The following NAALADL2 variants were observed in gnomAD, a reference collection of about 807,000 sequenced individuals.
The protein encoded by NAALADL2 is N-acetylated alpha-linked acidic dipeptidase like 2.
A neutral mutation model predicts 87.2 loss-of-function variants in NAALADL2; 76 were observed. That is an observed-to-expected ratio of 0.87 (90% confidence interval 0.72 to 1.05). The LOEUF (loss-of-function observed/expected upper bound fraction) is 1.05, where lower values mean the gene tolerates loss of function less well. Ranked by LOEUF, NAALADL2 falls within the 50% of genes least tolerant of loss-of-function variation. The probability of loss-of-function intolerance (pLI) is 0.00; values close to 1 mark genes in which losing one functional copy is unlikely to be tolerated. For missense variants in NAALADL2, 1,089 were observed against 945.8 expected (o/e 1.15, Z -1.99); for synonymous variants, 354 against 331.0 (o/e 1.07, Z -0.75).
At chr3:175,012,654 A>C (rs962785420) in intron 1 of NAALADL2, among the ~76,000 whole-genome samples, 3 of 152,098 alleles carry the variant, frequency 2.0e-5, no homozygotes, top group Non-Finnish European at 2.9e-5. Flanking sequence ...CTGTTTTTGT[A>C]AGTAAAGTGC....
chr3:175,177,963 T>C (rs1735934335), intron 2 of NAALADL2, among the ~76,000 whole-genome samples: 1 of 151,040 alleles, frequency 6.6e-6, no homozygotes, highest in Non-Finnish European at 1.5e-5. Flanking sequence ...GAAAACTATA[T>C]TGAAATATAT....
chr3:175,794,141 C>T (rs576508452), intron 13 of NAALADL2, among the ~76,000 whole-genome samples: 13 of 152,092 alleles, frequency 8.5e-5, no homozygotes, highest in African/African-American at 1.2e-4. Context: ...GCAGATGAAA[C>T]GAAATGCATC....
intron 11 of NAALADL2, among the ~76,000 whole-genome samples, chr3:175,651,034 A>G (rs868338067): frequency 6.6e-6 from 1 of 152,198 alleles, no homozygotes; most frequent in Non-Finnish European, 1.5e-5. Flanking sequence ...AAATATTAGT[A>G]TAACTTGTTA....
chr3:175,057,657 T>G (rs184599254), intron 1 of NAALADL2, among the ~76,000 whole-genome samples: 31 of 152,292 alleles, frequency 2.0e-4, no homozygotes, highest in African/African-American at 7.0e-4. Context: ...AGTGAGAGCC[T>G]TAGGTGGCTG....
intron 9 of NAALADL2, among the ~76,000 whole-genome samples, chr3:175,556,367 G>A (rs937099654): frequency 6.6e-6 from 1 of 152,046 alleles, no homozygotes; most frequent in Non-Finnish European, 1.5e-5. Context: ...TCATCTGTCA[G>A]ATGACTATAA....
chr3:174,838,674 A>G (rs1374425847), intron 3 of NAALADL2, among the ~76,000 whole-genome samples: 3 of 152,238 alleles, frequency 2.0e-5, no homozygotes, highest in Non-Finnish European at 4.4e-5. Flanking sequence ...ATGTTCATAA[A>G]TCAGTAACTC....
intron 1 of NAALADL2, among the ~76,000 whole-genome samples, chr3:174,985,494 G>A (rs1560443045): frequency 1.3e-5 from 2 of 152,128 alleles, no homozygotes. Flanking sequence ...TGGAATCTTG[G>A]AAACAAAATG....
At chr3:175,123,342 A>G (rs1661655867) in intron 2 of NAALADL2, among the ~76,000 whole-genome samples, 2 of 151,896 alleles carry the variant, frequency 1.3e-5, no homozygotes, top group Admixed American at 1.3e-4. Context: ...GTACTAATAG[A>G]TGGTAGGGCA....
chr3:175,626,281 T>G (rs1726968852), intron 10 of NAALADL2, among the ~76,000 whole-genome samples: 1 of 151,998 alleles, frequency 6.6e-6, no homozygotes, highest in Non-Finnish European at 1.5e-5. Flanking sequence ...CTCATATTTT[T>G]TGTATTTTTA....
At chr3:175,671,361 G>A (rs1434192433) in intron 11 of NAALADL2, among the ~76,000 whole-genome samples, 2 of 151,990 alleles carry the variant, frequency 1.3e-5, no homozygotes, top group East Asian at 3.9e-4. Context: ...TGCAGCAATG[G>A]CATGTATTTT....
chr3:175,573,181 G>T lies in NAALADL2; in HGVS notation c.1654-2860G>T, dbSNP rs1718344737. ...TGAGAAAAAAATTTCGATCTAAGGA[G>T]CATGGCTGAGCATGGGTGGATGTTA... On this transcript the variant is annotated intron_variant, in intron 9 of 13. Transcript: ENST00000454872. Among the ~76,000 whole-genome samples the T allele has an allele frequency of 2.6e-5, 4 of 152,206 alleles. No homozygotes were observed. In the South Asian group the frequency reaches 8.3e-4, roughly 31 times the overall value.
intron 5 of NAALADL2, among the ~76,000 whole-genome samples, chr3:175,355,393 T>C (rs772130310): frequency 2.6e-5 from 4 of 152,062 alleles, no homozygotes; most frequent in Non-Finnish European, 5.9e-5. Context: ...ATTTTGACTA[T>C]GAAATGAGAT....
intron 1 of NAALADL2, among the ~76,000 whole-genome samples, chr3:175,032,164 A>G (rs1752870525): frequency 1.3e-5 from 2 of 151,716 alleles, no homozygotes; most frequent in Non-Finnish European, 2.9e-5. Context: ...TTGCTTTTGT[A>G]TAGTTAGTTA....
At chr3:175,018,261 T>TTTA (rs1437557687) in intron 1 of NAALADL2, among the ~76,000 whole-genome samples, 8 of 152,020 alleles carry the variant, frequency 5.3e-5, no homozygotes, top group Non-Finnish European at 1.2e-4. Context: ...TGGTCATATC[T>TTTA]TTTATAAAGT....
intron 1 of NAALADL2, among the ~76,000 whole-genome samples, chr3:174,922,253 T>C (rs944528370): frequency 6.6e-6 from 1 of 151,644 alleles, no homozygotes; most frequent in African/African-American, 2.4e-5. Flanking sequence ...AAGGGGGTAT[T>C]GAGCTGTGAT....
At chr3:175,077,702 G>T (rs1055897057) in intron 1 of NAALADL2, among the ~76,000 whole-genome samples, 3 of 151,972 alleles carry the variant, frequency 2.0e-5, no homozygotes, top group Non-Finnish European at 2.9e-5. Context: ...ACTAATAGAG[G>T]CAGCTGCTCT....
At chr3:175,609,294 A>G (rs1363385099) in intron 10 of NAALADL2, among the ~76,000 whole-genome samples, 1 of 152,198 alleles carries the variant, frequency 6.6e-6, no homozygotes, top group Non-Finnish European at 1.5e-5. Context: ...TAAGGATATT[A>G]ATATAAATAA....
chr3:174,457,079 A>G (rs151319973), intron 1 of NAALADL2, among the ~76,000 whole-genome samples: 2 of 152,306 alleles, frequency 1.3e-5, no homozygotes, highest in Non-Finnish European at 2.9e-5. Context: ...TAGGATACAT[A>G]TGGTCAATAA....
At chr3:175,437,829 A>G (rs1718974538) in intron 5 of NAALADL2, among the ~76,000 whole-genome samples, 1 of 152,156 alleles carries the variant, frequency 6.6e-6, no homozygotes, top group Non-Finnish European at 1.5e-5. Flanking sequence ...TAGTATCAGA[A>G]TGCATATTTT....
Sources: allele counts gnomAD v4.1 joint callset (sites outside exome capture counted in the v4.1 genomes callset), GRCh38; gene constraint gnomAD v4.1.1; transcripts MANE v1.5; gene names NCBI Gene and HGNC (gene_info 2026-07-23, HGNC 2026-07-21).